WFDC1: variants seen among roughly 807,000 people sequenced by gnomAD.
WFDC1 encodes the protein WAP four-disulfide core domain protein 1.
WFDC1 carries 39 observed loss-of-function variants against 32.9 expected under a neutral mutation model. That is an observed-to-expected ratio of 1.19 (90% CI 0.92 to 1.55). WFDC1 has a LOEUF of 1.55. WFDC1 is among the 40% of genes most tolerant of loss of function. The pLI is 0.00. For synonymous variants in WFDC1, 184 were observed against 137.4 expected, an observed-to-expected ratio of 1.34 and a Z score of -2.37; for missense variants, 386 against 309.5, an observed-to-expected ratio of 1.25 and a Z score of -1.85.
At chr16:84,327,453 C>T (rs1383896688) in intron 6 of WFDC1, 3 of 154,734 alleles carry the variant, frequency 1.9e-5, no homozygotes, top group Admixed American at 1.9e-4. Context: ...CCCACTTTGG[C>T]CTCCCAAAGT....
chr16:84,300,103 G>T (rs6564008), intron 1 of WFDC1, among the ~76,000 whole-genome samples: 6,136 of 152,292 alleles, frequency 0.04, 363 homozygotes, highest in African/African-American at 0.13. Flanking sequence ...ATGGCCTGGA[G>T]CTGTGCTTTC....
At chr16:84,323,538 C>T (rs1054990084) in intron 4 of WFDC1, among the ~76,000 whole-genome samples, 5 of 152,204 alleles carry the variant, frequency 3.3e-5, no homozygotes, top group Non-Finnish European at 5.9e-5. Flanking sequence ...AATTTTCATA[C>T]GGCTCATCCT....
chr16:84,305,923 A>AG (rs1365299307), intron 1 of WFDC1, among the ~76,000 whole-genome samples: 2 of 152,042 alleles, frequency 1.3e-5, no homozygotes, highest in Non-Finnish European at 2.9e-5. Context: ...GAACTGGTTG[A>AG]GTCTGGGAGG....
At chr16:84,322,049 T>C (rs1178685890) in intron 4 of WFDC1, among the ~76,000 whole-genome samples, 3 of 152,174 alleles carry the variant, frequency 2.0e-5, no homozygotes, top group Non-Finnish European at 4.4e-5. Flanking sequence ...CCATCATCCC[T>C]GTCTTCGTAA....
intron 4 of WFDC1, among the ~76,000 whole-genome samples, chr16:84,322,145 C>CTGTGTG (rs751867533): frequency 0.012 from 1,261 of 109,424 alleles, 60 homozygotes; most frequent in Admixed American, 0.081. Context: ...GCCTCAGAGC[C>CTGTGTG]TGTGTGTGTG....
intron 2 of WFDC1, among the ~76,000 whole-genome samples, chr16:84,313,685 C>T (rs933036441): frequency 2.6e-5 from 4 of 152,212 alleles, no homozygotes; most frequent in Non-Finnish European, 4.4e-5. Context: ...ATGCCTGGCC[C>T]TGGGGTATTT....
At chr16:84,315,789 C>G (rs62050697) in intron 2 of WFDC1, among the ~76,000 whole-genome samples, 17,927 of 152,256 alleles carry the variant, frequency 0.12, 1,378 homozygotes, top group Non-Finnish European at 0.17. Flanking sequence ...TGGTCTAACT[C>G]AGGCCCTGTT....
intron 1 of WFDC1, among the ~76,000 whole-genome samples, chr16:84,303,548 A>G (rs1259408058): frequency 6.6e-6 from 1 of 152,130 alleles, no homozygotes; most frequent in Non-Finnish European, 1.5e-5. Flanking sequence ...TCTTCCTCCA[A>G]GATGTAAACT....
At chr16:84,322,145 C>CTGTGTGCGTG (rs1908334662) in intron 4 of WFDC1, among the ~76,000 whole-genome samples, 1 of 109,336 alleles carries the variant, frequency 9.1e-6, no homozygotes, top group Admixed American at 8.5e-5. Context: ...GCCTCAGAGC[C>CTGTGTGCGTG]TGTGTGTGTG....
At chr16:84,313,994 G>C (rs750465695) in intron 2 of WFDC1, among the ~76,000 whole-genome samples, 5 of 152,002 alleles carry the variant, frequency 3.3e-5, no homozygotes, top group Non-Finnish European at 7.4e-5. Context: ...GTGAGCCAAG[G>C]TTGTGCCATT....
rs988307703 is a variant in WFDC1 at position 84,297,816 on chromosome 16, G to C, written c.144+2701G>C. Among the ~76,000 whole-genome samples the C allele has an allele frequency of 2.6e-5, 4 of 152,124 alleles. No individual in the cohort carries two copies. In the East Asian group the frequency reaches 7.8e-4, roughly 29 times the overall value. ...CTTCTCTGGTCCTCAGTCCTCACCT[G>C]GGAAATGAAGATGGAGAACCTATGA... On this transcript the variant is annotated intron_variant, in intron 1 of 6. Transcript: ENST00000219454.
At chr16:84,326,987 G>C in intron 6 of WFDC1, 32 bp downstream of exon 6, 1 of 1,608,322 alleles carries the variant, frequency 6.2e-7, no homozygotes, top group Non-Finnish European at 8.5e-7. Context: ...GTCATGGCCA[G>C]GGTAAATGTG....
At chr16:84,326,601 T>G in intron 5 of WFDC1, 1 of 411,932 alleles carries the variant, frequency 2.4e-6, no homozygotes, top group Admixed American at 3.6e-5. Flanking sequence ...GTGAAGCTCT[T>G]GAGGTCGGAA....
intron 1 of WFDC1, among the ~76,000 whole-genome samples, chr16:84,299,295 G>A (rs531566979): frequency 6.6e-6 from 1 of 152,128 alleles, no homozygotes; most frequent in South Asian, 2.1e-4. Context: ...ACCCTGGGAG[G>A]CGGAGGTTGC....
chr16:84,327,201 T>C, intron 6 of WFDC1: 1 of 463,568 alleles, frequency 2.2e-6, no homozygotes, highest in South Asian at 2.7e-5. Flanking sequence ...ATTTGTTTGT[T>C]TTTTTAAGAG....
rs1337723033 is a variant in WFDC1, at chr16:84,329,407, G to C, written c.*101G>C. 3.3e-5 allele frequency: 5 copies of C among 152,140 alleles called. No homozygotes were observed. The highest frequency in any genetic ancestry group is 7.3e-5 in the Non-Finnish European group (5 of 68,030). 9.4% of individuals were successfully genotyped at this position (152,140 alleles called of 1,614,324 possible). ...GTTTGACCCTCACAGTTCACATTCA[G>C]CTCAGCAGAGCAAGACCCCAGAGAT... On this transcript the variant is annotated 3_prime_UTR_variant, in exon 7 of 7. Transcript: ENST00000219454.
At chr16:84,323,076 A>G (rs1402224860) in intron 4 of WFDC1, among the ~76,000 whole-genome samples, 1 of 152,346 alleles carries the variant, frequency 6.6e-6, no homozygotes, top group East Asian at 1.9e-4. Context: ...AAGGGGGAGC[A>G]GGAAAGTTTT....
At chr16:84,299,851 C>T (rs868689474) in intron 1 of WFDC1, among the ~76,000 whole-genome samples, 1 of 152,204 alleles carries the variant, frequency 6.6e-6, no homozygotes, top group Non-Finnish European at 1.5e-5. Context: ...CAGCCAGGAG[C>T]TGGTGCCACT....
intron 4 of WFDC1, among the ~76,000 whole-genome samples, chr16:84,322,606 G>C (rs531950844): frequency 6.6e-6 from 1 of 152,146 alleles, no homozygotes; most frequent in Non-Finnish European, 1.5e-5. Context: ...GAGAGTAAGC[G>C]ACAGGCCCTG....
Sources: allele counts gnomAD v4.1 joint callset (sites outside exome capture counted in the v4.1 genomes callset), GRCh38; gene constraint gnomAD v4.1.1; transcripts MANE v1.5; gene names NCBI Gene and HGNC (gene_info 2026-07-23, HGNC 2026-07-21).